Variants in CDK5RAP2 observed in about 807,000 individuals in gnomAD.
CDK5RAP2 encodes CDK5 regulatory subunit associated protein 2, also known as CDK5 regulatory subunit-associated protein 2.
A neutral mutation model predicts 232.9 loss-of-function variants in CDK5RAP2; 147 were observed. The observed-to-expected ratio is 0.63, with a 90% CI of 0.55 to 0.72. CDK5RAP2 has a LOEUF of 0.72. CDK5RAP2 is among the 30% of genes least tolerant of loss of function. The probability of loss-of-function intolerance (pLI) is 0.00; values close to 1 mark genes in which losing one functional copy is unlikely to be tolerated. For synonymous variants in CDK5RAP2, 833 were observed against 833.7 expected, an observed-to-expected ratio of 1.00 and a Z score of 0.01; for missense variants, 2,195 against 2,231.5, an observed-to-expected ratio of 0.98 and a Z score of 0.33.
At chr9:120,568,277 C>T (rs753443098) in intron 3 of CDK5RAP2, 44 bp downstream of exon 3, 1 of 1,438,056 alleles carries the variant, frequency 7.0e-7, no homozygotes, top group Non-Finnish European at 9.8e-7. Context: ...ACAGTGGCAG[C>T]AGACACAATT....
intron 18 of CDK5RAP2, among the ~76,000 whole-genome samples, chr9:120,461,737 G>A (rs1461571458): frequency 3.3e-5 from 5 of 152,194 alleles, no homozygotes; most frequent in African/African-American, 4.8e-5. Flanking sequence ...AGCTACTCGG[G>A]AGACTGAGGC....
chr9:120,493,149 G>A (rs1366790348), intron 12 of CDK5RAP2, among the ~76,000 whole-genome samples: 2 of 152,214 alleles, frequency 1.3e-5, no homozygotes, highest in African/African-American at 4.8e-5. Context: ...TAGGCTCTAG[G>A]AGCTGGAAAA....
At position 120,438,167 on chromosome 9, in the gene CDK5RAP2, A is replaced by T. The variant is rs564245596; in HGVS notation, c.3723-640T>A. 6.6e-5 allele frequency among the ~76,000 whole-genome samples: 10 copies of T among 152,342 alleles called. No individual in the cohort carries two copies. The South Asian group carries it at 2.1e-3, about 32-fold the overall frequency. On this transcript the variant is annotated intron_variant, in intron 24 of 37. Transcript: ENST00000349780. The stretch of plus-strand genomic sequence containing the variant: ...CTCACTTTGAAGATCATTATGCAAT[A>T]TTACCTTTTTACCGTCATGTGCCAC...
At chr9:120,538,908 C>A in intron 6 of CDK5RAP2, 133 bp downstream of exon 6, 8 of 966,620 alleles carry the variant, frequency 8.3e-6, no homozygotes, top group Non-Finnish European at 1.3e-5. Flanking sequence ...GGGCTACAAT[C>A]CAGGAGATGC....
intron 13 of CDK5RAP2, among the ~76,000 whole-genome samples, chr9:120,489,523 C>A (rs1451231714): frequency 6.6e-6 from 1 of 152,042 alleles, no homozygotes; most frequent in Non-Finnish European, 1.5e-5. Context: ...ATTTTCTCTC[C>A]CATTTTCTCA....
rs201528173 is a variant in CDK5RAP2, at chr9:120,536,376, C to G, written c.658G>C (p.Asp220His). 5.0e-6 allele frequency: 8 copies of G among 1,613,948 alleles called. No individual in the cohort carries two copies. Among genetic ancestry groups the G allele is most frequent in the African/African-American group, 1.3e-5 (1 of 74,898 alleles). The change falls in exon 7 of 38, where the codon GAC (aspartate) becomes CAC (histidine). Residue 220 changes from aspartate (D) to histidine (H), a missense_variant. By Grantham distance (81) the Asp-to-His change is moderately conservative. Transcript: ENST00000349780. Reference protein sequence around the residue: ...LAMALVLDEKDRLIEELKLSL... With the variant: ...LAMALVLDEKHRLIEELKLSL... ...TGACAGGGACAAGAGCCAGACCTGT[C>G]TTTCTCATCCAGGACCAGAGCCATC...
chr9:120,498,520 C>T (rs998778201), intron 12 of CDK5RAP2, among the ~76,000 whole-genome samples: 2 of 152,130 alleles, frequency 1.3e-5, no homozygotes, highest in African/African-American at 2.4e-5. Flanking sequence ...CGAAAAGGGT[C>T]ACTCATGGGA....
chr9:120,437,032 C>T (rs925971365), intron 25 of CDK5RAP2, among the ~76,000 whole-genome samples: 19 of 152,204 alleles, frequency 1.2e-4, no homozygotes, highest in African/African-American at 4.3e-4. Context: ...GCAGTGCCTT[C>T]TGGCTGGCTT....
intron 22 of CDK5RAP2, among the ~76,000 whole-genome samples, chr9:120,445,939 C>T (rs1029482479): frequency 6.6e-6 from 1 of 152,208 alleles, no homozygotes; most frequent in Non-Finnish European, 1.5e-5. Flanking sequence ...CCCCTAATGT[C>T]TCCCTCATGC....
intron 1 of CDK5RAP2, among the ~76,000 whole-genome samples, chr9:120,579,628 C>A (rs1364552569): frequency 6.6e-6 from 1 of 152,210 alleles, no homozygotes; most frequent in African/African-American, 2.4e-5. Flanking sequence ...ACGGGATACT[C>A]CAAGTGGCCC....
At chr9:120,433,421 T>C (rs2035394090) in intron 25 of CDK5RAP2, among the ~76,000 whole-genome samples, 2 of 152,210 alleles carry the variant, frequency 1.3e-5, no homozygotes, top group Admixed American at 1.3e-4. Context: ...ACATCCATAA[T>C]TTAATTCTTA....
chr9:120,507,435 C>A (rs1203978683), intron 12 of CDK5RAP2, among the ~76,000 whole-genome samples: 1 of 152,084 alleles, frequency 6.6e-6, no homozygotes, highest in East Asian at 1.9e-4. Flanking sequence ...GAAACCAGGT[C>A]TACCTGCATT....
intron 2 of CDK5RAP2, among the ~76,000 whole-genome samples, chr9:120,571,324 A>G (rs1426424518): frequency 6.6e-6 from 1 of 152,088 alleles, no homozygotes; most frequent in Non-Finnish European, 1.5e-5. Context: ...TGGAGAAGAG[A>G]AAAAAAAGAA....
Position 120,403,633 on chromosome 9 carries a change from G to A in CDK5RAP2, c.5041+403C>T, listed in dbSNP as rs114901854. ...GTCTTGAGGAAACGGGACTTCTACC[G>A]GCAAAGAGTGGGACAAAGGGGGTCT... On this transcript the variant is annotated intron_variant, in intron 33 of 37. Transcript: ENST00000349780. This position sits in a 1 kb window ranked among gnomAD's most constrained non-coding sequence, Gnocchi z 4.2. 2,460 of 303,932 alleles carry A rather than the reference G, an allele frequency of 8.1e-3. 64 individuals carry two copies. Among genetic ancestry groups the A allele is most frequent in the African/African-American group, 0.048 (2,265 of 46,712 alleles). 18.8% of individuals were successfully genotyped at this position (303,932 alleles called of 1,614,324 possible).
chr9:120,556,858 A>C (rs956411911), intron 3 of CDK5RAP2, among the ~76,000 whole-genome samples: 5 of 152,248 alleles, frequency 3.3e-5, no homozygotes, highest in Non-Finnish European at 7.3e-5. Context: ...TAATAAGAAC[A>C]GCACAAGAAA....
chr9:120,439,953 A>T lies in CDK5RAP2; in HGVS notation c.3168T>A (p.Pro1056=), dbSNP rs2035802825. 2 of 1,613,832 alleles carry T rather than the reference A, an allele frequency of 1.2e-6. No homozygotes were observed. Among genetic ancestry groups the T allele is most frequent in the African/African-American group, 2.7e-5 (2 of 74,930 alleles). The part of the protein sequence containing the change: ...SYEIDSEICP[P]DDLASLPSCK... ...ATGATGGCAAGCTGGCAAGGTCATC[A>T]GGTGGGCAAATCTCAGAGTCTGAAA... Residue 1056 remains proline (P), a synonymous_variant, in exon 24 of 38, where the codon CCT becomes CCA. Transcript: ENST00000349780.
chr9:120,483,224 C>T (rs561416911), intron 14 of CDK5RAP2, among the ~76,000 whole-genome samples: 212 of 152,376 alleles, frequency 1.4e-3, no homozygotes, highest in African/African-American at 4.9e-3. Flanking sequence ...CCCCGCTCAC[C>T]GCATTCCCCT....
chr9:120,543,776 T>G (rs2041733442), intron 5 of CDK5RAP2, among the ~76,000 whole-genome samples: 1 of 152,210 alleles, frequency 6.6e-6, no homozygotes, highest in African/African-American at 2.4e-5. Flanking sequence ...GAGAATCGCC[T>G]GGACCCAGGA....
chr9:120,570,130 T>A (rs1223355536), intron 2 of CDK5RAP2, among the ~76,000 whole-genome samples: 1 of 151,456 alleles, frequency 6.6e-6, no homozygotes, highest in Non-Finnish European at 1.5e-5. Flanking sequence ...AGCACAGAGG[T>A]GGGAGTGGGC....
Sources: gnomAD v4.1 joint callset for allele counts (sites outside exome capture counted in the v4.1 genomes callset) on GRCh38, gnomAD v4.1.1 for gene constraint, Gnocchi (gnomAD v3.1) non-coding constraint, MANE v1.5 for transcripts, NCBI Gene and HGNC (gene_info 2026-07-23, HGNC 2026-07-21) for gene names.